The following PARVA variants were observed in gnomAD, a reference collection of about 807,000 sequenced individuals.
PARVA encodes alpha-parvin.
PARVA carries 25 observed loss-of-function variants against 52.6 expected under a neutral mutation model. The ratio of observed to expected loss-of-function variants is 0.48; its 90% CI spans 0.35 to 0.66. PARVA has a LOEUF of 0.66. PARVA is among the 30% of genes least tolerant of loss of function. The probability of loss-of-function intolerance (pLI) is 0.01; values close to 1 mark genes in which losing one functional copy is unlikely to be tolerated. For synonymous variants in PARVA, 185 were observed against 179.1 expected, an observed-to-expected ratio of 1.03 and a Z score of -0.26; for missense variants, 373 against 450.9, an observed-to-expected ratio of 0.83 and a Z score of 1.56.
rs1939413323 is a variant in PARVA, at chr11:12,377,616, C to G, written c.-32C>G. 1.3e-6 allele frequency: 2 copies of G among 1,554,964 alleles called. No individual in the cohort carries two copies. The highest frequency in any genetic ancestry group is 1.7e-6 in the Non-Finnish European group (2 of 1,157,068). ...CGTCCGCCCAGCGCCAGCTCCGCGT[C>G]CCGACCGGCCCGCGGCAGCCTGCGC... On this transcript the variant is annotated 5_prime_UTR_variant, in exon 1 of 13. Transcript: ENST00000334956.
At chr11:12,430,738 G>C (rs1350955840) in intron 1 of PARVA, among the ~76,000 whole-genome samples, 1 of 152,152 alleles carries the variant, frequency 6.6e-6, no homozygotes, top group African/African-American at 2.4e-5. Context: ...TATAATAGAG[G>C]ATAGTTATAG....
intron 1 of PARVA, among the ~76,000 whole-genome samples, chr11:12,399,307 G>T (rs1272792367): frequency 6.6e-6 from 1 of 152,122 alleles, no homozygotes; most frequent in African/African-American, 2.4e-5. Flanking sequence ...TTCCCACAGT[G>T]CTACTACCTA....
chr11:12,424,797 T>C (rs1265577552), intron 1 of PARVA, among the ~76,000 whole-genome samples: 1 of 152,252 alleles, frequency 6.6e-6, no homozygotes, highest in Non-Finnish European at 1.5e-5. Flanking sequence ...ATGTTATTGA[T>C]GGCCTCAGCA....
At chr11:12,415,589 T>C (rs1372858291) in intron 1 of PARVA, among the ~76,000 whole-genome samples, 2 of 152,218 alleles carry the variant, frequency 1.3e-5, no homozygotes, top group East Asian at 3.8e-4. Context: ...AATCAGCCTT[T>C]ACATCATCTG....
chr11:12,471,730 C>G (rs866266534), intron 1 of PARVA, among the ~76,000 whole-genome samples: 4 of 152,338 alleles, frequency 2.6e-5, no homozygotes, highest in Admixed American at 6.5e-5. Context: ...CCATTGAGTA[C>G]TTGAAATGTG....
intron 1 of PARVA, among the ~76,000 whole-genome samples, chr11:12,457,257 T>C (rs1213494965): frequency 2.6e-5 from 4 of 152,196 alleles, no homozygotes; most frequent in African/African-American, 7.2e-5. Flanking sequence ...TTTCTTTTAA[T>C]AGGTTCTCTG....
At chr11:12,437,934 T>C (rs2135000605) in intron 1 of PARVA, among the ~76,000 whole-genome samples, 1 of 152,300 alleles carries the variant, frequency 6.6e-6, no homozygotes, top group East Asian at 1.9e-4. Flanking sequence ...TTGTCATTCA[T>C]TGTCTTAGTC....
intron 1 of PARVA, among the ~76,000 whole-genome samples, chr11:12,430,112 G>C (rs1443148239): frequency 6.6e-6 from 1 of 152,034 alleles, no homozygotes; most frequent in Non-Finnish European, 1.5e-5. Flanking sequence ...TTGCAATGTT[G>C]GTTGATTTCC....
intron 1 of PARVA, among the ~76,000 whole-genome samples, chr11:12,388,409 T>C (rs1589937741): frequency 6.6e-6 from 1 of 152,350 alleles, no homozygotes; most frequent in East Asian, 1.9e-4. Context: ...TCAAACCAGC[T>C]TTAGGGCAAT....
chr11:12,477,827 C>A lies in PARVA; in HGVS notation c.298-20C>A, dbSNP rs376407382. The A allele has an allele frequency of 7.8e-7, 1 of 1,290,224 alleles. No homozygotes were observed. The highest frequency in any genetic ancestry group is 1.5e-5 in the African/African-American group (1 of 68,906). The allele number at this position is 1,290,224 out of a possible 1,614,324, so 79.9% of individuals were successfully genotyped here. On this transcript the variant is annotated intron_variant, in intron 3 of 12. Coordinates refer to ENST00000334956, the MANE Select transcript of PARVA (RefSeq NM_018222.5). ...AACTCTTTTCTTACTATTGCACATTCCCTTTCTCTCTCTCTGTAGGTATTA... is the reference window on the plus strand; with the variant it reads ...AACTCTTTTCTTACTATTGCACATTACCTTTCTCTCTCTCTGTAGGTATTA...
chr11:12,515,404 A>G (rs1166981758), intron 10 of PARVA, among the ~76,000 whole-genome samples: 1 of 152,108 alleles, frequency 6.6e-6, no homozygotes, highest in Non-Finnish European at 1.5e-5. Flanking sequence ...GGAAATAAGG[A>G]ATGTTCTGGA....
At chr11:12,411,951 T>C (rs77201836) in intron 1 of PARVA, among the ~76,000 whole-genome samples, 11,861 of 152,210 alleles carry the variant, frequency 0.078, 480 homozygotes, top group African/African-American at 0.092. Flanking sequence ...GGTCCGGGCA[T>C]TGAGGCATAT....
At chr11:12,439,948 CTCTT>C (rs539724493) in intron 1 of PARVA, among the ~76,000 whole-genome samples, 24 of 152,334 alleles carry the variant, frequency 1.6e-4, no homozygotes, top group African/African-American at 5.3e-4. Flanking sequence ...CTTCCTGGTT[CTCTT>C]TATTCCCATC....
Position 12,496,566 on chromosome 11 carries a change from T to G in PARVA, c.509T>G (p.Leu170Arg). The change falls in exon 5 of 13, where the codon CTT becomes CGT. Residue 170 changes from leucine (L) to arginine (R), a missense_variant. Transcript: ENST00000334956. ...VLEKINETLK[L>R]PPRSIKWNVD... Reference sequence around the variant, plus strand: ...GAGAAGATCAATGAAACCCTGAAACTTCCTCCCAGGAGCATCAAGTGGAAT... The same window carrying G: ...GAGAAGATCAATGAAACCCTGAAACGTCCTCCCAGGAGCATCAAGTGGAAT... 6.2e-7 allele frequency: 1 copy of G among 1,612,266 alleles called. No homozygotes were observed. The highest frequency in any genetic ancestry group is 8.5e-7 in the Non-Finnish European group (1 of 1,179,334).
At chr11:12,448,479 G>T (rs1214182704) in intron 1 of PARVA, among the ~76,000 whole-genome samples, 2 of 152,196 alleles carry the variant, frequency 1.3e-5, no homozygotes, top group African/African-American at 4.8e-5. Context: ...CCAGACATTG[G>T]GTAAGGGTGC....
intron 1 of PARVA, among the ~76,000 whole-genome samples, chr11:12,414,246 TAAAAC>T (rs956179994): frequency 3.9e-5 from 6 of 152,330 alleles, no homozygotes; most frequent in East Asian, 1.9e-4. Flanking sequence ...GTTTTTAAAT[TAAAAC>T]AAAAAGAGCT....
intron 1 of PARVA, among the ~76,000 whole-genome samples, chr11:12,464,401 T>C (rs1940827008): frequency 1.3e-5 from 2 of 152,194 alleles, no homozygotes; most frequent in Non-Finnish European, 2.9e-5. Flanking sequence ...CCACCATGCA[T>C]TTACTTAATT....
At chr11:12,410,229 G>T (rs914619604) in intron 1 of PARVA, among the ~76,000 whole-genome samples, 1 of 152,238 alleles carries the variant, frequency 6.6e-6, no homozygotes, top group Non-Finnish European at 1.5e-5. Context: ...GATCAGGTTT[G>T]CCTTGTGCTG....
Position 12,411,561 on chromosome 11 carries a change from T to C in PARVA, c.136+33778T>C, listed in dbSNP as rs145314650. The stretch of plus-strand genomic sequence containing the variant: ...CTCCCTAGGTTCCTCTTGGCTATAA[T>C]AGCTTTTTTACTTTCCTTGTTTTTG... On this transcript the variant is annotated intron_variant, in intron 1 of 12. Transcript: ENST00000334956. 6.3e-3 allele frequency among the ~76,000 whole-genome samples: 954 copies of C among 152,290 alleles called. 14 individuals carry two copies. The highest frequency in any genetic ancestry group is 0.022 in the African/African-American group (897 of 41,560).
Sources: allele counts gnomAD v4.1 joint callset (sites outside exome capture counted in the v4.1 genomes callset), GRCh38; gene constraint gnomAD v4.1.1; transcripts MANE v1.5; gene names NCBI Gene and HGNC (gene_info 2026-07-23, HGNC 2026-07-21).